The following RAB27A variants were observed in gnomAD, a reference collection of about 807,000 sequenced individuals.
RAB27A encodes the protein ras-related protein Rab-27A.
Under a neutral mutation model 20.8 loss-of-function variants are expected in RAB27A, and 17 were observed. The ratio of observed to expected loss-of-function variants is 0.82; its 90% CI spans 0.56 to 1.23. The LOEUF (loss-of-function observed/expected upper bound fraction) is 1.23. RAB27A is among the 50% of genes most tolerant of loss of function. The pLI, the probability that RAB27A is intolerant of heterozygous loss-of-function variation, is 0.00. For missense variants in RAB27A, 277 were observed against 266.7 expected, an observed-to-expected ratio of 1.04 and a Z score of -0.27; for synonymous variants, 85 against 92.8, an observed-to-expected ratio of 0.92 and a Z score of 0.48.
chr15:55,227,836 G>T lies in RAB27A; in HGVS notation c.343+773C>A, dbSNP rs549963289. 4.6e-5 allele frequency among the ~76,000 whole-genome samples: 7 copies of T among 152,278 alleles called. No homozygotes were observed. The South Asian group carries it at 1.5e-3, about 32-fold the overall frequency. Reference sequence around the variant, plus strand: ...CCAAAACAGTAATGTTTAAGTAGCAGATCTTTTTAAATCAGTGTTTTAAAG... The same window carrying T: ...CCAAAACAGTAATGTTTAAGTAGCATATCTTTTTAAATCAGTGTTTTAAAG... On this transcript the variant is annotated intron_variant, in intron 5 of 6. Coordinates refer to ENST00000336787, the MANE Select transcript of RAB27A (RefSeq NM_183235.3).
At chr15:55,209,848 A>G (rs186219969) in intron 6 of RAB27A, among the ~76,000 whole-genome samples, 1 of 92,356 alleles carries the variant, frequency 1.1e-5, no homozygotes, top group Admixed American at 1.1e-4. Context: ...GTGTACACAT[A>G]TATGTGTGTA....
At chr15:55,302,986 G>T (rs1472631017) in intron 2 of RAB27A, among the ~76,000 whole-genome samples, 2 of 143,302 alleles carry the variant, frequency 1.4e-5, no homozygotes, top group Non-Finnish European at 3.0e-5. Context: ...GGGAGGTGGG[G>T]GGGGGTCAAC....
rs1894839345 is a variant in RAB27A at position 55,209,790 on chromosome 15, G to A, written c.468-4085C>T. The stretch of plus-strand genomic sequence containing the variant: ...CATATACATATATACACACATATGT[G>A]TGTATGTATACATATATACACACAT... On this transcript the variant is annotated intron_variant, in intron 6 of 6. Coordinates refer to ENST00000336787, the MANE Select transcript of RAB27A (RefSeq NM_183235.3). Among the ~76,000 whole-genome samples, 3 of 137,894 alleles carry A rather than the reference G, an allele frequency of 2.2e-5. No homozygotes were observed. In the South Asian group the frequency reaches 6.5e-4, roughly 30 times the overall value. 90.5% of individuals were successfully genotyped at this position (137,894 alleles called of 152,430 possible).
upstream of RAB27A, among the ~76,000 whole-genome samples, chr15:55,293,039 C>T (rs113636503): frequency 1.1e-4 from 17 of 152,258 alleles, no homozygotes; most frequent in African/African-American, 3.6e-4. Context: ...CATCTCTACG[C>T]CACTTCTTAC....
intron 1 of RAB27A, chr15:55,317,892 G>C (rs551118119): frequency 7.7e-6 from 3 of 390,646 alleles, no homozygotes; most frequent in African/African-American, 2.1e-5. Context: ...GGAAAGCAAA[G>C]CCATCACTTA....
intron 2 of RAB27A, among the ~76,000 whole-genome samples, chr15:55,307,574 A>C (rs1301985559): frequency 6.6e-6 from 1 of 151,962 alleles, no homozygotes; most frequent in Non-Finnish European, 1.5e-5. Flanking sequence ...TGTAAGCCTC[A>C]GGGAAGTCCG....
intron 6 of RAB27A, among the ~76,000 whole-genome samples, chr15:55,206,823 A>C (rs1269679394): frequency 6.6e-6 from 1 of 152,216 alleles, no homozygotes; most frequent in East Asian, 1.9e-4. Context: ...AAGTTTGATA[A>C]TCTTGACAAT....
chr15:55,257,286 T>A (rs1897115133), intron 2 of RAB27A, among the ~76,000 whole-genome samples: 2 of 152,136 alleles, frequency 1.3e-5, no homozygotes. Flanking sequence ...TTGAAAATCA[T>A]CCCCAGTCCC....
At chr15:55,227,666 C>T (rs1895864033) in intron 5 of RAB27A, among the ~76,000 whole-genome samples, 1 of 152,170 alleles carries the variant, frequency 6.6e-6, no homozygotes. Context: ...AAGGACACAA[C>T]ACTGACCCGA....
intron 6 of RAB27A, among the ~76,000 whole-genome samples, chr15:55,209,780 A>ACATATATGTATATATG: frequency 7.8e-6 from 1 of 127,992 alleles, no homozygotes; most frequent in African/African-American, 4.0e-5. Context: ...ACATATATAC[A>ACATATATGTATATATG]CACATATGTG....
chr15:55,222,666 C>T (rs1895626942), intron 6 of RAB27A, among the ~76,000 whole-genome samples: 2 of 152,236 alleles, frequency 1.3e-5, no homozygotes, highest in South Asian at 4.1e-4. Flanking sequence ...GAACCTCCAT[C>T]AACCAAAGAA....
rs567273087 is a variant in RAB27A at position 55,260,499 on chromosome 15, G to A, written c.-23+9666C>T. On this transcript the variant is annotated intron_variant, in intron 2 of 6. Transcript: ENST00000336787. Reference sequence around the variant, plus strand: ...AACCTGCACACTGATATTTATTATAGCAGCTTTATTCATAATTGCCAGAAC... The same window carrying A: ...AACCTGCACACTGATATTTATTATAACAGCTTTATTCATAATTGCCAGAAC... Among the ~76,000 whole-genome samples, 14 of 152,294 alleles carry A rather than the reference G, an allele frequency of 9.2e-5. 1 individual carries two copies. Among genetic ancestry groups the A allele is most frequent in the African/African-American group, 3.4e-4 (14 of 41,556 alleles).
chr15:55,290,882 C>T (rs1898289800), upstream of RAB27A, among the ~76,000 whole-genome samples: 1 of 152,248 alleles, frequency 6.6e-6, no homozygotes, highest in African/African-American at 2.4e-5. Flanking sequence ...TCCCTTCTGC[C>T]TTCTAAGCCG....
At chr15:55,312,353 G>A (rs944508412) in intron 2 of RAB27A, among the ~76,000 whole-genome samples, 3 of 152,210 alleles carry the variant, frequency 2.0e-5, no homozygotes, top group African/African-American at 7.2e-5. Context: ...CCATACAAAG[G>A]GAGGGGACCC....
intron 6 of RAB27A, among the ~76,000 whole-genome samples, chr15:55,211,226 G>T (rs967884132): frequency 6.6e-6 from 1 of 152,002 alleles, no homozygotes; most frequent in South Asian, 2.1e-4. Context: ...TCAGGATTTT[G>T]TCAGTTATTG....
Position 55,230,485 on chromosome 15 carries a change from AC to A in RAB27A, c.154del (p.Val52CysfsTer33). The A allele has an allele frequency of 6.2e-7, 1 of 1,612,072 alleles. No individual in the cohort carries two copies. Among genetic ancestry groups the A allele is most frequent in the Non-Finnish European group, 8.5e-7 (1 of 1,178,406 alleles). ...VGIDFREKRV[V>X]YRASGPDGAT... Reference sequence around the variant, plus strand: ...TCCATCCGGCCCACTGGCTCTGTACACCTAAAACAGCAAAGTGAAAGAGAAA... The same window carrying A: ...TCCATCCGGCCCACTGGCTCTGTACACTAAAACAGCAAAGTGAAAGAGAAA... On this transcript the variant is annotated frameshift_variant and splice_region_variant, in exon 4 of 7. Coordinates refer to ENST00000336787, the MANE Select transcript of RAB27A (RefSeq NM_183235.3). LOFTEE classifies it high-confidence loss of function.
intron 1 of RAB27A, among the ~76,000 whole-genome samples, chr15:55,285,385 T>C (rs1475116359): frequency 6.6e-6 from 1 of 151,064 alleles, no homozygotes; most frequent in Non-Finnish European, 1.5e-5. Flanking sequence ...CTAATTTTAC[T>C]TGACAATAAA....
chr15:55,255,030 C>CAGATG (rs1897028716), intron 2 of RAB27A, among the ~76,000 whole-genome samples: 1 of 152,238 alleles, frequency 6.6e-6, no homozygotes, highest in African/African-American at 2.4e-5. Context: ...TCACTACACA[C>CAGATG]CTCTATGCAC....
At chr15:55,286,048 T>C (rs1213615817) in intron 1 of RAB27A, among the ~76,000 whole-genome samples, 6 of 152,310 alleles carry the variant, frequency 3.9e-5, no homozygotes, top group Admixed American at 6.5e-5. Context: ...GGTGTATCTA[T>C]AGACATTGCT....
Sources: allele counts gnomAD v4.1 joint callset (sites outside exome capture counted in the v4.1 genomes callset), GRCh38; gene constraint gnomAD v4.1.1; transcripts MANE v1.5; gene names NCBI Gene and HGNC (gene_info 2026-07-23, HGNC 2026-07-21).